PAK3: variants seen among roughly 807,000 people sequenced by gnomAD.
PAK3 encodes p21 (RAC1) activated kinase 3, also known as serine/threonine-protein kinase PAK 3.
A neutral mutation model predicts 41.0 loss-of-function variants in PAK3; 4 were observed. The ratio of observed to expected loss-of-function variants is 0.10; its 90% CI spans 0.05 to 0.22. The LOEUF (loss-of-function observed/expected upper bound fraction) is 0.22, where lower values mean the gene tolerates loss of function less well. PAK3 is among the 10% of genes least tolerant of loss of function. The pLI is 1.00. For missense variants in PAK3, 205 were observed against 409.9 expected, an observed-to-expected ratio of 0.50 and a Z score of 4.32; for synonymous variants, 146 against 139.6, an observed-to-expected ratio of 1.05 and a Z score of -0.32.
intron 10 of PAK3, among the ~76,000 whole-genome samples, chrX:111,171,554 A>AT (rs1319997903): frequency 2.7e-5 from 3 of 111,508 alleles, no homozygotes; most frequent in South Asian, 7.5e-4. Flanking sequence ...GATGGACTGG[A>AT]TTTTTTTGAA....
At chrX:111,159,728 A>G (rs780026540) in intron 8 of PAK3, among the ~76,000 whole-genome samples, 1 of 112,382 alleles carries the variant, frequency 8.9e-6, no homozygotes, top group African/African-American at 3.2e-5. Context: ...ACATAGCTAT[A>G]CAATATAATA....
At chrX:111,071,648 T>C (rs904443947) in intron 1 of PAK3, among the ~76,000 whole-genome samples, 1 of 112,064 alleles carries the variant, frequency 8.9e-6, no homozygotes, top group Non-Finnish European at 1.9e-5. Context: ...ATGAGTATAG[T>C]TAATTAAAGC....
upstream of PAK3, among the ~76,000 whole-genome samples, chrX:111,094,746 T>C (rs888445744): frequency 2.0e-5 from 2 of 98,436 alleles, no homozygotes; most frequent in African/African-American, 7.7e-5. Flanking sequence ...TGGAGTGCAG[T>C]GGCGCAATCT....
At chrX:111,210,770 A>G (rs955590562) in intron 16 of PAK3, among the ~76,000 whole-genome samples, 1 of 112,166 alleles carries the variant, frequency 8.9e-6, no homozygotes, top group Admixed American at 9.5e-5. Context: ...ACAAATAACA[A>G]GTGTTCATAT....
chrX:111,005,488 G>A (rs1246218100), intron 1 of PAK3, among the ~76,000 whole-genome samples: 2 of 111,643 alleles, frequency 1.8e-5, no homozygotes, highest in Non-Finnish European at 3.8e-5. Context: ...TGTTTGAATC[G>A]CTACCCATCT....
At chrX:111,190,199 C>G (rs188018651) in intron 11 of PAK3, among the ~76,000 whole-genome samples, 35 of 110,965 alleles carry the variant, frequency 3.2e-4, no homozygotes, top group African/African-American at 1.1e-3. Flanking sequence ...TTTAGAAACA[C>G]AAGCAGAGTG....
chrX:110,978,376 G>GT (rs1372547186), intron 1 of PAK3, among the ~76,000 whole-genome samples: 6 of 109,243 alleles, frequency 5.5e-5, no homozygotes, highest in East Asian at 5.8e-4. Flanking sequence ...GGTTTGGTTT[G>GT]TTTTTTTTAT....
At chrX:111,081,736 T>C (rs1266991358) in intron 1 of PAK3, among the ~76,000 whole-genome samples, 1 of 111,585 alleles carries the variant, frequency 9.0e-6, no homozygotes, top group South Asian at 3.8e-4. Context: ...CAATTAAATA[T>C]ATATGTTATA....
chrX:111,041,816 C>T (rs1358963130), intron 1 of PAK3, among the ~76,000 whole-genome samples: 1 of 111,587 alleles, frequency 9.0e-6, no homozygotes, highest in African/African-American at 3.3e-5. Flanking sequence ...CACCCCAACT[C>T]AGTGGAATTC....
intron 10 of PAK3, among the ~76,000 whole-genome samples, chrX:111,170,189 C>A (rs909452164): frequency 1.8e-5 from 2 of 110,995 alleles, no homozygotes; most frequent in East Asian, 2.8e-4. Flanking sequence ...GACAACTGCA[C>A]GTGGTAAGTG....
intron 1 of PAK3, among the ~76,000 whole-genome samples, chrX:110,949,682 C>G (rs1255801849): frequency 9.0e-6 from 1 of 110,976 alleles, no homozygotes; most frequent in Non-Finnish European, 1.9e-5. Context: ...AGCTTTGTGC[C>G]AAATAGACAG....
At chrX:110,994,951 T>C (rs1471066609) in intron 1 of PAK3, among the ~76,000 whole-genome samples, 1 of 112,223 alleles carries the variant, frequency 8.9e-6, no homozygotes, top group Non-Finnish European at 1.9e-5. Flanking sequence ...TGAGAACATA[T>C]GTAAAGCACA....
At chrX:111,212,793 T>A (rs1389148596) in intron 16 of PAK3, among the ~76,000 whole-genome samples, 1 of 111,012 alleles carries the variant, frequency 9.0e-6, no homozygotes, top group Non-Finnish European at 1.9e-5. Context: ...GTTTTGGAGG[T>A]TTTAAAATAA....
At chrX:111,003,521 AGG>A (rs956493240) in intron 1 of PAK3, among the ~76,000 whole-genome samples, 1 of 111,805 alleles carries the variant, frequency 8.9e-6, no homozygotes, top group African/African-American at 3.2e-5. Context: ...TCAGCATTAC[AGG>A]GCCATAGTGA....
At chrX:111,036,624 T>C (rs1307676577) in intron 1 of PAK3, among the ~76,000 whole-genome samples, 1 of 112,182 alleles carries the variant, frequency 8.9e-6, no homozygotes, top group Non-Finnish European at 1.9e-5. Flanking sequence ...TGGAGATTAT[T>C]ATATCAAGGT....
intron 1 of PAK3, among the ~76,000 whole-genome samples, chrX:111,067,036 C>A (rs1428702460): frequency 8.9e-6 from 1 of 112,106 alleles, no homozygotes; most frequent in Non-Finnish European, 1.9e-5. Context: ...CCCTCCTGGA[C>A]TTTTCATATT....
intron 16 of PAK3, among the ~76,000 whole-genome samples, 174 bp downstream of exon 16, chrX:111,196,814 A>G (rs1267943158): frequency 9.4e-6 from 1 of 106,860 alleles, no homozygotes; most frequent in Non-Finnish European, 1.9e-5. Flanking sequence ...TTATCTTACA[A>G]TGTCTCAACA....
chrX:111,030,599 T>C (rs2092328404), intron 1 of PAK3, among the ~76,000 whole-genome samples: 1 of 111,274 alleles, frequency 9.0e-6, no homozygotes, highest in Non-Finnish European at 1.9e-5. Context: ...GTTGAATGTA[T>C]GGATCATAGA....
chrX:111,169,362 T>C lies in PAK3; in HGVS notation c.767-3656T>C, dbSNP rs764910627. ...ATTCCCGTCATGTATATCATGTACATTTCTAGCCATAGATACAACATTGAA... is the reference window on the plus strand; with the variant it reads ...ATTCCCGTCATGTATATCATGTACACTTCTAGCCATAGATACAACATTGAA... On this transcript the variant is annotated intron_variant, in intron 10 of 17. Coordinates refer to ENST00000372007, the MANE Select transcript of PAK3 (RefSeq NM_002578.5). 4.6e-5 allele frequency: 7 copies of C among 150,630 alleles called. No individual in the cohort carries two copies. In the South Asian group the frequency reaches 1.2e-3, roughly 25 times the overall value. 12.4% of individuals were successfully genotyped at this position (150,630 alleles called of 1,213,427 possible).
Sources: allele counts gnomAD v4.1 joint callset (sites outside exome capture counted in the v4.1 genomes callset), GRCh38; gene constraint gnomAD v4.1.1; transcripts MANE v1.5; gene names NCBI Gene and HGNC (gene_info 2026-07-23, HGNC 2026-07-21).